Variants in BICD1 observed in about 807,000 individuals in gnomAD.
The protein encoded by BICD1 is protein bicaudal D homolog 1.
Under a neutral mutation model 92.5 loss-of-function variants are expected in BICD1, and 35 were observed. The observed-to-expected ratio is 0.38, with a 90% CI of 0.29 to 0.50. The LOEUF (loss-of-function observed/expected upper bound fraction) is 0.50, where lower values mean the gene tolerates loss of function less well. BICD1 is among the 20% of genes least tolerant of loss of function. The pLI, the probability that BICD1 is intolerant of heterozygous loss-of-function variation, is 0.93. For synonymous variants in BICD1, 429 were observed against 465.1 expected (o/e 0.92, Z 1.00); for missense variants, 950 against 1,189.8 (o/e 0.80, Z 2.97).
chr12:32,133,072 G>T (rs1332412905), intron 1 of BICD1, among the ~76,000 whole-genome samples: 1 of 152,138 alleles, frequency 6.6e-6, no homozygotes, highest in African/African-American at 2.4e-5. Context: ...ATGATAAGGA[G>T]ATATAAAAAG....
At chr12:32,331,526 T>C (rs773929715) in intron 5 of BICD1, among the ~76,000 whole-genome samples, 3 of 152,218 alleles carry the variant, frequency 2.0e-5, no homozygotes, top group Non-Finnish European at 4.4e-5. Context: ...ATGAGTTATC[T>C]TGGGGATGGG....
chr12:32,259,236 G>A (rs189487788), intron 2 of BICD1, among the ~76,000 whole-genome samples: 3 of 152,240 alleles, frequency 2.0e-5, no homozygotes, highest in South Asian at 2.1e-4. Context: ...TAATGTCCAC[G>A]ATCATCTCTA....
At chr12:32,354,938 C>G (rs1939041612) in intron 8 of BICD1, among the ~76,000 whole-genome samples, 1 of 152,066 alleles carries the variant, frequency 6.6e-6, no homozygotes, top group Admixed American at 6.6e-5. Flanking sequence ...TTTAGGAATT[C>G]ATAGGACTGT....
chr12:32,208,765 G>T (rs954011262), intron 1 of BICD1, among the ~76,000 whole-genome samples: 4 of 152,100 alleles, frequency 2.6e-5, no homozygotes, highest in African/African-American at 9.7e-5. Flanking sequence ...TGTTTAGCTA[G>T]GTTCTTCCTA....
Position 32,244,100 on chromosome 12 carries a change from CATT to C in BICD1, c.426+27642_426+27644del, listed in dbSNP as rs371875164. On this transcript the variant is annotated intron_variant, in intron 2 of 9. Transcript: ENST00000652176. Reference sequence around the variant, plus strand: ...TTATCTGCTATTTCAAAATTAAAATCATTGTCTTTCATAGATATTTTCTGAAAT... The same window carrying C: ...TTATCTGCTATTTCAAAATTAAAATCGTCTTTCATAGATATTTTCTGAAAT... Among the ~76,000 whole-genome samples the C allele has an allele frequency of 3.1e-3, 433 of 139,462 alleles. 1 individual carries two copies. Among genetic ancestry groups the C allele is most frequent in the African/African-American group, 0.013 (393 of 29,490 alleles). 91.5% of individuals were successfully genotyped at this position (139,462 alleles called of 152,430 possible).
chr12:32,279,012 T>C (rs960038935), intron 2 of BICD1, among the ~76,000 whole-genome samples: 7 of 152,202 alleles, frequency 4.6e-5, no homozygotes, highest in Non-Finnish European at 1.0e-4. Flanking sequence ...TTTGCTGATA[T>C]AGTGTGGAAT....
At chr12:32,308,611 A>G (rs1948293505) in intron 4 of BICD1, among the ~76,000 whole-genome samples, 1 of 152,204 alleles carries the variant, frequency 6.6e-6, no homozygotes, top group African/African-American at 2.4e-5. Flanking sequence ...TTTTTGGGCT[A>G]TTAGCTCAAG....
chr12:32,217,949 G>A (rs138101633), intron 2 of BICD1, among the ~76,000 whole-genome samples: 264 of 152,348 alleles, frequency 1.7e-3, no homozygotes, highest in African/African-American at 6.1e-3. Context: ...CGTGAGGACC[G>A]TGTGCACACG....
chr12:32,342,124 A>G (rs933315870), intron 8 of BICD1, among the ~76,000 whole-genome samples: 1 of 83,850 alleles, frequency 1.2e-5, no homozygotes, highest in Non-Finnish European at 2.2e-5. Context: ...TTACATATAT[A>G]TGTATATATA....
chr12:32,129,019 G>A (rs1447026815), intron 1 of BICD1, among the ~76,000 whole-genome samples: 2 of 151,824 alleles, frequency 1.3e-5, no homozygotes, highest in Non-Finnish European at 2.9e-5. Flanking sequence ...TTGGCTCACT[G>A]CAACCTCTGC....
intron 2 of BICD1, among the ~76,000 whole-genome samples, chr12:32,256,274 T>C (rs1301574344): frequency 2.0e-5 from 3 of 152,186 alleles, no homozygotes; most frequent in Admixed American, 6.5e-5. Flanking sequence ...GATCTCGAAC[T>C]TCTGGCTTCA....
intron 9 of BICD1, among the ~76,000 whole-genome samples, chr12:32,372,607 G>A (rs1006916312): frequency 6.6e-6 from 1 of 152,086 alleles, no homozygotes; most frequent in East Asian, 1.9e-4. Context: ...AGCCGGACAT[G>A]GTGACTCACC....
rs1191983596 is a variant in BICD1 at position 32,337,453 on chromosome 12, G to T, written c.2253-46G>T. On this transcript the variant is annotated intron_variant, in intron 6 of 9. Transcript: ENST00000652176. This position sits in a 1 kb window ranked among gnomAD's most constrained non-coding sequence, Gnocchi z 4.7. ...CTTTTCAGCTTAACTCCCAAATTCAGTTTCACCAAGATTTTCCTCTGACCA... is the reference window on the plus strand; with the variant it reads ...CTTTTCAGCTTAACTCCCAAATTCATTTTCACCAAGATTTTCCTCTGACCA... 1 of 1,553,200 alleles carries T rather than the reference G, an allele frequency of 6.4e-7. No homozygotes were observed. The highest frequency in any genetic ancestry group is 8.7e-7 in the Non-Finnish European group (1 of 1,143,110).
chr12:32,362,869 A>G (rs898427349), intron 8 of BICD1, among the ~76,000 whole-genome samples: 3 of 152,168 alleles, frequency 2.0e-5, no homozygotes, highest in Non-Finnish European at 2.9e-5. Flanking sequence ...AAGAAGTTAA[A>G]GAAAAAAATA....
In BICD1 at chr12:32,313,404, A is replaced by G. The variant is rs183816300; in HGVS notation, c.1005+7282A>G. Among the ~76,000 whole-genome samples, 1 of 152,144 alleles carries G rather than the reference A, an allele frequency of 6.6e-6. No individual in the cohort carries two copies. The highest frequency in any genetic ancestry group is 1.5e-5 in the Non-Finnish European group (1 of 68,024). ...CTTATAACAACTGTATGGGGTAGAG[A>G]GTATTATTATCTTCATATTATAGAT... is the stretch of plus-strand genomic sequence containing the variant. On this transcript the variant is annotated intron_variant, in intron 4 of 9. Coordinates refer to ENST00000652176, the MANE Select transcript of BICD1 (RefSeq NM_001714.4). The surrounding 1 kb of genome is among the most constrained non-coding windows in gnomAD (Gnocchi z 4.2).
chr12:32,208,851 A>G (rs938536943), intron 1 of BICD1, among the ~76,000 whole-genome samples: 1 of 151,348 alleles, frequency 6.6e-6, no homozygotes, highest in Non-Finnish European at 1.5e-5. Flanking sequence ...TTGAGACAGT[A>G]TCTCACGTTG....
intron 4 of BICD1, among the ~76,000 whole-genome samples, chr12:32,311,226 G>A (rs924078578): frequency 2.0e-4 from 31 of 152,144 alleles, no homozygotes; most frequent in African/African-American, 5.1e-4. Context: ...GGCCGGGTGC[G>A]GTGGCTCACG....
intron 1 of BICD1, among the ~76,000 whole-genome samples, chr12:32,188,802 A>G (rs1029665913): frequency 6.6e-6 from 1 of 151,280 alleles, no homozygotes; most frequent in Non-Finnish European, 1.5e-5. Flanking sequence ...ATCTTGGCTC[A>G]CTGCAACCTC....
At chr12:32,112,461 C>G (rs926765255) in intron 1 of BICD1, among the ~76,000 whole-genome samples, 2 of 152,182 alleles carry the variant, frequency 1.3e-5, no homozygotes. Flanking sequence ...TTTCTGCTTG[C>G]AAATATTTTG....
Sources: allele counts gnomAD v4.1 joint callset (sites outside exome capture counted in the v4.1 genomes callset), GRCh38; gene constraint gnomAD v4.1.1; non-coding constraint Gnocchi (gnomAD v3.1); transcripts MANE v1.5; gene names NCBI Gene and HGNC (gene_info 2026-07-23, HGNC 2026-07-21).